The following CELA2B variants were observed in gnomAD, a reference collection of about 807,000 sequenced individuals.
CELA2B encodes chymotrypsin-like elastase family member 2B.
CELA2B carries 27 observed loss-of-function variants against 36.5 expected under a neutral mutation model. The ratio of observed to expected loss-of-function variants is 0.74; its 90% CI spans 0.55 to 1.02. CELA2B has a LOEUF of 1.02. CELA2B is among the 50% of genes least tolerant of loss of function. The pLI is 0.00. For missense variants in CELA2B, 340 were observed against 347.8 expected, an observed-to-expected ratio of 0.98 and a Z score of 0.18; for synonymous variants, 143 against 148.5, an observed-to-expected ratio of 0.96 and a Z score of 0.27.
In CELA2B at chr1:15,486,037, C is replaced by A; in HGVS notation, c.630C>A (p.Cys210Ter). 6.2e-7 allele frequency: 1 copy of A among 1,613,280 alleles called. No individual in the cohort carries two copies. The highest frequency in any genetic ancestry group is 8.5e-7 in the Non-Finnish European group (1 of 1,179,410). ...GTGCTGGGGGTGATGGCGTGATATG[C>A]ACCTGCAACGTGAGTACCAAAAATC... is the stretch of plus-strand genomic sequence containing the variant. ...MICAGGDGVI[C>*]TCNGDSGGPL... Residue 210 changes from cysteine (C) to a stop codon, truncating the protein, a stop_gained, in exon 6 of 8, where the codon TGC (cysteine) becomes TGA (stop). Coordinates refer to ENST00000375910, the MANE Select transcript of CELA2B (RefSeq NM_015849.3). LOFTEE classifies it high-confidence loss of function.
chr1:15,482,511 AAGG>A (rs1354971362), intron 4 of CELA2B, 118 bp downstream of exon 4: 1 of 1,414,800 alleles, frequency 7.1e-7, no homozygotes. Context: ...AGGGAAGAGA[AAGG>A]AGCTCTGGCC....
intron 7 of CELA2B, among the ~76,000 whole-genome samples, chr1:15,490,246 A>G (rs1349445331): frequency 7.0e-6 from 1 of 142,978 alleles, no homozygotes; most frequent in Non-Finnish European, 1.5e-5. Context: ...CTATCTATCT[A>G]TCTATCTATC....
At chr1:15,486,676 A>T (rs754643438) in intron 6 of CELA2B, among the ~76,000 whole-genome samples, 3 of 152,064 alleles carry the variant, frequency 2.0e-5, no homozygotes, top group Non-Finnish European at 4.4e-5. Context: ...TTCTAAGATG[A>T]CTTCTGGTTT....
At chr1:15,478,417 ATTT>A (rs1409426358) in intron 2 of CELA2B, among the ~76,000 whole-genome samples, 1 of 151,232 alleles carries the variant, frequency 6.6e-6, no homozygotes, top group African/African-American at 2.4e-5. Flanking sequence ...CTAATTTTGT[ATTT>A]TTAGTAGAGA....
chr1:15,487,462 C>T, intron 7 of CELA2B, 25 bp downstream of exon 7: 2 of 1,613,688 alleles, frequency 1.2e-6, no homozygotes, highest in Non-Finnish European at 1.7e-6. Flanking sequence ...AGCCCTGAGC[C>T]CCAAGGCACT....
At chr1:15,480,568 G>A (rs1708728414) in intron 2 of CELA2B, among the ~76,000 whole-genome samples, 1 of 152,160 alleles carries the variant, frequency 6.6e-6, no homozygotes, top group South Asian at 2.1e-4. Context: ...TCTTCACACG[G>A]TGGCAGCAGG....
intron 7 of CELA2B, 173 bp from the exon 8 acceptor site, chr1:15,491,122 T>C (rs540831426): frequency 8.8e-5 from 63 of 713,722 alleles, no homozygotes; most frequent in African/African-American, 8.7e-4. Flanking sequence ...AAGCTGTGAT[T>C]GCATCTTTTT....
At chr1:15,479,296 A>C (rs904095584) in intron 2 of CELA2B, among the ~76,000 whole-genome samples, 2 of 152,120 alleles carry the variant, frequency 1.3e-5, no homozygotes, top group Admixed American at 6.5e-5. Flanking sequence ...TGTAATCCCA[A>C]CACTTTGGGA....
intron 5 of CELA2B, among the ~76,000 whole-genome samples, chr1:15,484,014 T>A (rs903271575): frequency 6.6e-6 from 1 of 151,972 alleles, no homozygotes; most frequent in Non-Finnish European, 1.5e-5. Flanking sequence ...AAGCCTGGCA[T>A]GTGGTAGGTG....
rs79727774 is a variant in CELA2B at position 15,480,898 on chromosome 1, A to ATTT, written c.130-188_130-186dup. 2.1e-3 allele frequency among the ~76,000 whole-genome samples: 307 copies of ATTT among 145,580 alleles called. 2 individuals carry two copies. The highest frequency in any genetic ancestry group is 7.0e-3 in the African/African-American group (277 of 39,700). On this transcript the variant is annotated intron_variant, in intron 2 of 7. Transcript: ENST00000375910. ...GGCATGAGCCACCATGCCTGGCCTG[A>ATTT]TTTTTTTTTTTTTTACTATAGATTG...
Position 15,490,596 on chromosome 1 carries a change from G to A in CELA2B, c.793-699G>A, listed in dbSNP as rs534429947. Among the ~76,000 whole-genome samples the A allele has an allele frequency of 9.7e-4, 147 of 152,208 alleles. 1 individual carries two copies. The highest frequency in any genetic ancestry group is 3.4e-3 in the African/African-American group (143 of 41,536). ...TCAAAATGTTTAACAGGCTGGGCGC[G>A]GTGGCTCACGCCTGTAATCCGAGCA... On this transcript the variant is annotated intron_variant, in intron 7 of 7. Coordinates refer to ENST00000375910, the MANE Select transcript of CELA2B (RefSeq NM_015849.3).
chr1:15,478,738 T>C (rs867596561), intron 2 of CELA2B, among the ~76,000 whole-genome samples: 2 of 151,258 alleles, frequency 1.3e-5, no homozygotes, highest in African/African-American at 4.9e-5. Flanking sequence ...CAAATTTTTT[T>C]TGTATTTTAG....
chr1:15,491,123 G>C, intron 7 of CELA2B, 172 bp from the exon 8 acceptor site: 2 of 716,770 alleles, frequency 2.8e-6, no homozygotes, highest in Non-Finnish European at 4.9e-6. Flanking sequence ...AGCTGTGATT[G>C]CATCTTTTTC....
intron 2 of CELA2B, 124 bp downstream of exon 2, chr1:15,476,669 C>T: frequency 1.1e-6 from 1 of 902,590 alleles, no homozygotes; most frequent in Admixed American, 2.1e-5. Flanking sequence ...CAGAGAGCAG[C>T]ACAGGAAACT....
intron 7 of CELA2B, among the ~76,000 whole-genome samples, chr1:15,488,496 G>A (rs1570813223): frequency 2.6e-5 from 4 of 152,244 alleles, no homozygotes; most frequent in Admixed American, 2.0e-4. Flanking sequence ...AGAAAGGGGA[G>A]CCCAGGAGAG....
Position 15,487,414 on chromosome 1 carries a change from A to AACTACAACG in CELA2B, c.773_781dup (p.Tyr258_Asp260dup). 6.2e-7 allele frequency: 1 copy of AACTACAACG among 1,614,240 alleles called. No individual in the cohort carries two copies. The highest frequency in any genetic ancestry group is 8.5e-7 in the Non-Finnish European group (1 of 1,180,044). On this transcript the variant is annotated inframe_insertion, in exon 7 of 8. Coordinates refer to ENST00000375910, the MANE Select transcript of CELA2B (RefSeq NM_015849.3). ...GCCCTCCATCTTCACGCGGGTCTCC[A>AACTACAACG]ACTACAACGACTGGATCAATTCGGT...
At chr1:15,491,097 T>C in intron 7 of CELA2B, 198 bp from the exon 8 acceptor site, 2 of 637,790 alleles carry the variant, frequency 3.1e-6, no homozygotes, top group Non-Finnish European at 5.7e-6. Flanking sequence ...AGGAAGACCC[T>C]AACAGGTCAA....
chr1:15,490,142 G>A (rs1708860093), intron 7 of CELA2B, among the ~76,000 whole-genome samples: 1 of 152,130 alleles, frequency 6.6e-6, no homozygotes, highest in Non-Finnish European at 1.5e-5. Flanking sequence ...CCAATGTGCT[G>A]GGATTACAAG....
chr1:15,489,775 G>T (rs1337321804), intron 7 of CELA2B, among the ~76,000 whole-genome samples: 2 of 152,144 alleles, frequency 1.3e-5, no homozygotes, highest in African/African-American at 2.4e-5. Flanking sequence ...CATACTCTTT[G>T]TAAAAATATT....
Sources: allele counts gnomAD v4.1 joint callset (sites outside exome capture counted in the v4.1 genomes callset), GRCh38; gene constraint gnomAD v4.1.1; transcripts MANE v1.5; gene names NCBI Gene and HGNC (gene_info 2026-07-23, HGNC 2026-07-21).